TNFRSF11A: variants seen among roughly 807,000 people sequenced by gnomAD.
TNFRSF11A encodes TNF receptor superfamily member 11a, also known as tumor necrosis factor receptor superfamily member 11A.
Under a neutral mutation model 55.7 loss-of-function variants are expected in TNFRSF11A, and 32 were observed. The observed-to-expected ratio is 0.57, with a 90% CI of 0.43 to 0.77. TNFRSF11A has a LOEUF of 0.77. Ranked by LOEUF, TNFRSF11A falls within the 30% of genes least tolerant of loss-of-function variation. The pLI is 0.00. For missense variants in TNFRSF11A, 753 were observed against 809.8 expected, an observed-to-expected ratio of 0.93 and a Z score of 0.85; for synonymous variants, 311 against 331.0, an observed-to-expected ratio of 0.94 and a Z score of 0.65.
chr18:62,378,806 C>T (rs1568495892), intron 9 of TNFRSF11A, among the ~76,000 whole-genome samples: 1 of 152,216 alleles, frequency 6.6e-6, no homozygotes, highest in Non-Finnish European at 1.5e-5. Context: ...CAAATTCTCA[C>T]CACTAGTGAG....
chr18:62,353,413 G>T (rs2046502723), intron 3 of TNFRSF11A, among the ~76,000 whole-genome samples: 1 of 152,128 alleles, frequency 6.6e-6, no homozygotes, highest in South Asian at 2.1e-4. Context: ...ACGACAGTTG[G>T]GGGCTGTTGT....
At chr18:62,349,095 T>A (rs1600375806) in intron 2 of TNFRSF11A, among the ~76,000 whole-genome samples, 1 of 151,938 alleles carries the variant, frequency 6.6e-6, no homozygotes, top group Non-Finnish European at 1.5e-5. Context: ...TGCCTACCCC[T>A]CTTATTCCCT....
At position 62,369,144 on chromosome 18, in the gene TNFRSF11A, C is replaced by T. The variant is rs758380022; in HGVS notation, c.1227C>T (p.Cys409=). 11 of 1,613,984 alleles carry T rather than the reference C, an allele frequency of 6.8e-6. No homozygotes were observed. The African/African-American group carries it at 1.3e-4, about 20-fold the overall frequency. ...GCTGCAACTGCACTGAGCCCCTGTG[C>T]AGGACTGATTGGACTCCCATGTCCT... ...SESCNCTEPL[C]RTDWTPMSSE... is the part of the protein sequence containing the mutation. Residue 409 remains cysteine (C), a synonymous_variant, in exon 9 of 10, where the codon TGC becomes TGT. Coordinates refer to ENST00000586569, the MANE Select transcript of TNFRSF11A (RefSeq NM_003839.4).
At chr18:62,348,330 A>T (rs2145289699) in intron 2 of TNFRSF11A, 81 bp downstream of exon 2, 1 of 1,331,732 alleles carries the variant, frequency 7.5e-7, no homozygotes, top group South Asian at 1.2e-5. Flanking sequence ...TGCCAGATGA[A>T]AAAAAGAAAT....
chr18:62,360,514 T>C (rs1007510501), intron 6 of TNFRSF11A, among the ~76,000 whole-genome samples: 5 of 151,834 alleles, frequency 3.3e-5, no homozygotes, highest in Non-Finnish European at 7.4e-5. Context: ...TGGCGTGATA[T>C]CAGCTCACTG....
At chr18:62,338,995 G>A (rs1216010539) in intron 1 of TNFRSF11A, among the ~76,000 whole-genome samples, 3 of 152,086 alleles carry the variant, frequency 2.0e-5, no homozygotes, top group Non-Finnish European at 1.5e-5. Context: ...CTTTGCTGTC[G>A]GCTCCTGCCT....
rs375508363 is a variant in TNFRSF11A, at chr18:62,384,832, A to G, written c.1649A>G (p.Tyr550Cys). The change falls in exon 10 of 10, where the codon TAC becomes TGC. Residue 550 changes from tyrosine (Y) to cysteine (C), a missense_variant. Physicochemically the swap from Tyr to Cys is radical, Grantham distance 194 (BLOSUM62 -2). Transcript: ENST00000586569. The part of the protein sequence containing the change: ...MNFKGDIIVV[Y>C]VSQTSQEGAA... The stretch of plus-strand genomic sequence containing the variant: ...TTCAAGGGCGACATCATCGTGGTCT[A>G]CGTCAGCCAGACCTCGCAGGAGGGC... The G allele has an allele frequency of 3.2e-5, 51 of 1,611,392 alleles. No individual in the cohort carries two copies. Among genetic ancestry groups the G allele is most frequent in the Non-Finnish European group, 4.1e-5 (48 of 1,179,080 alleles).
chr18:62,379,054 T>TTGAA (rs150482171), intron 9 of TNFRSF11A, among the ~76,000 whole-genome samples: 1,979 of 152,326 alleles, frequency 0.013, 19 homozygotes, highest in Non-Finnish European at 0.021. Flanking sequence ...GTTTTCATCC[T>TTGAA]TGAACAGTGT....
intron 2 of TNFRSF11A, among the ~76,000 whole-genome samples, chr18:62,349,370 C>G (rs543374685): frequency 6.6e-6 from 1 of 151,948 alleles, no homozygotes; most frequent in Non-Finnish European, 1.5e-5. Flanking sequence ...TTAGTAGAGA[C>G]GAGATTTCAC....
rs1347636199 is a variant in TNFRSF11A at position 62,384,927 on chromosome 18, G to A, written c.1744G>A (p.Ala582Thr). The A allele has an allele frequency of 2.6e-6, 4 of 1,550,186 alleles. No individual in the cohort carries two copies. The highest frequency in any genetic ancestry group is 2.4e-5 in the South Asian group (2 of 84,742). The stretch of plus-strand genomic sequence containing the variant: ...GACCCTGGCGCGCCGAGACTCCTTC[G>A]CGGGGAACGGCCCGCGCTTCCCGGA... Reference protein sequence around the residue: ...EETLARRDSFAGNGPRFPDPC... With the variant: ...EETLARRDSFTGNGPRFPDPC... The change falls in exon 10 of 10, where the codon GCG becomes ACG. Residue 582 changes from alanine to threonine, a missense_variant. Transcript: ENST00000586569.
chr18:62,384,622 G>T (rs991747947), intron 9 of TNFRSF11A, 129 bp from the exon 10 acceptor site: 1 of 1,062,644 alleles, frequency 9.4e-7, no homozygotes, highest in Middle Eastern at 2.5e-4. Context: ...GTTACAGTGT[G>T]GTTCCCTGTG....
At chr18:62,331,547 A>G (rs866591288) in intron 1 of TNFRSF11A, among the ~76,000 whole-genome samples, 1 of 152,180 alleles carries the variant, frequency 6.6e-6, no homozygotes, top group Middle Eastern at 3.2e-3. Flanking sequence ...CTAGAGAGCC[A>G]TTGCCAGACC....
chr18:62,366,798 T>C (rs769717646), intron 8 of TNFRSF11A, 38 bp downstream of exon 8: 1 of 1,608,778 alleles, frequency 6.2e-7, no homozygotes, highest in South Asian at 1.1e-5. Flanking sequence ...GTTAAGTACA[T>C]TCAACAGTTA....
At position 62,384,886 on chromosome 18, in the gene TNFRSF11A, G is replaced by A. The variant is rs375618864; in HGVS notation, c.1703G>A (p.Arg568His). ...GAAAAAEPMG[R>H]PVQEETLARR... Reference sequence around the variant, plus strand: ...GCGGCGGCTGCGGAGCCCATGGGCCGCCCGGTGCAGGAGGAGACCCTGGCG... The same window carrying A: ...GCGGCGGCTGCGGAGCCCATGGGCCACCCGGTGCAGGAGGAGACCCTGGCG... Residue 568 changes from arginine to histidine, a missense_variant, in exon 10 of 10, where the codon CGC becomes CAC. By Grantham distance (29) the Arg-to-His change is conservative. This residue lies in a region of TNFRSF11A where 567 missense variants were observed against 596.7 expected (regional missense o/e 0.95). Transcript: ENST00000586569. 734 of 1,589,586 alleles carry A rather than the reference G, an allele frequency of 4.6e-4. 1 individual carries two copies. The highest frequency in any genetic ancestry group is 5.9e-4 in the Non-Finnish European group (689 of 1,168,456).
At chr18:62,342,276 C>A (rs1480495299) in intron 1 of TNFRSF11A, among the ~76,000 whole-genome samples, 1 of 151,528 alleles carries the variant, frequency 6.6e-6, no homozygotes, top group Non-Finnish European at 1.5e-5. Context: ...GTGGTGGGCA[C>A]CTGTGGTCCC....
intron 9 of TNFRSF11A, among the ~76,000 whole-genome samples, chr18:62,370,207 C>T (rs1451668125): frequency 6.6e-6 from 1 of 152,170 alleles, no homozygotes; most frequent in East Asian, 1.9e-4. Flanking sequence ...GAGGGTAAAA[C>T]ACCATCTGTT....
intron 1 of TNFRSF11A, among the ~76,000 whole-genome samples, chr18:62,341,629 A>G (rs754822708): frequency 4.6e-5 from 7 of 152,134 alleles, no homozygotes; most frequent in Non-Finnish European, 7.4e-5. Context: ...GTGTGATACA[A>G]TCACATCTCC....
At chr18:62,342,051 C>A (rs1666764796) in intron 1 of TNFRSF11A, among the ~76,000 whole-genome samples, 1 of 151,736 alleles carries the variant, frequency 6.6e-6, no homozygotes, top group African/African-American at 2.4e-5. Flanking sequence ...GCTCAAGGTA[C>A]CTTGTCCCCT....
At chr18:62,337,531 G>A (rs1216405407) in intron 1 of TNFRSF11A, among the ~76,000 whole-genome samples, 3 of 152,106 alleles carry the variant, frequency 2.0e-5, no homozygotes, top group African/African-American at 7.2e-5. Context: ...CTGTTTCTCC[G>A]TCAAGCCGTG....
Sources: gnomAD v4.1 joint callset for allele counts (sites outside exome capture counted in the v4.1 genomes callset) on GRCh38, gnomAD v4.1.1 for gene constraint, gnomAD v4.1.1 regional missense constraint, MANE v1.5 for transcripts, NCBI Gene and HGNC (gene_info 2026-07-23, HGNC 2026-07-21) for gene names.